TNS3: variants seen among roughly 807,000 people sequenced by gnomAD.
TNS3 encodes tensin 3.
A neutral mutation model predicts 140.9 loss-of-function variants in TNS3; 45 were observed. The observed-to-expected ratio is 0.32, with a 90% confidence interval of 0.25 to 0.41. The LOEUF is 0.41. Among genes scored for constraint, TNS3 ranks in the 10% least tolerant of loss-of-function variants. The pLI, the probability that TNS3 is intolerant of heterozygous loss-of-function variation, is 1.00. For synonymous variants in TNS3, 815 were observed against 788.4 expected, an observed-to-expected ratio of 1.03 and a Z score of -0.56; for missense variants, 1,716 against 1,906.7, an observed-to-expected ratio of 0.90 and a Z score of 1.86.
chr7:47,480,841 G>T (rs1347570082), intron 4 of TNS3, among the ~76,000 whole-genome samples: 1 of 152,140 alleles, frequency 6.6e-6, no homozygotes, highest in East Asian at 1.9e-4. Context: ...AGGGAGATTC[G>T]CCCCGAAGGT....
chr7:47,482,391 G>A (rs1168677512), intron 3 of TNS3, among the ~76,000 whole-genome samples: 18 of 152,188 alleles, frequency 1.2e-4, no homozygotes, highest in Admixed American at 1.1e-3. Flanking sequence ...TGACTCAGAC[G>A]GATGTCTGGG....
At chr7:47,499,351 T>C (rs1246410104) in intron 3 of TNS3, among the ~76,000 whole-genome samples, 1 of 152,148 alleles carries the variant, frequency 6.6e-6, no homozygotes, top group East Asian at 1.9e-4. Flanking sequence ...AGAAAAGGGA[T>C]CTTACAGGAA....
intron 20 of TNS3, among the ~76,000 whole-genome samples, chr7:47,332,190 G>T (rs923259606): frequency 1.3e-5 from 2 of 152,224 alleles, no homozygotes; most frequent in East Asian, 1.9e-4. Flanking sequence ...ACCTCTTGAC[G>T]CCCAGTGCTC....
At chr7:47,511,802 G>A (rs1584794099) in intron 2 of TNS3, among the ~76,000 whole-genome samples, 1 of 152,158 alleles carries the variant, frequency 6.6e-6, no homozygotes, top group East Asian at 1.9e-4. Context: ...GGACCCACAA[G>A]AAGAACCTGG....
rs1236106676 is a variant in TNS3 at position 47,530,836 on chromosome 7, A to ATAT, written c.-264-1690_-264-1689insATA. 3.0e-3 allele frequency among the ~76,000 whole-genome samples: 101 copies of ATAT among 33,274 alleles called. 1 individual carries two copies. Among genetic ancestry groups the ATAT allele is most frequent in the African/African-American group, 0.013 (97 of 7,432 alleles). The allele number at this position is 33,274 out of a possible 152,430, so 21.8% of individuals were successfully genotyped here. A position where few individuals can be genotyped will look rare whatever the true frequency, so the allele number is the denominator to read the frequency against. ...GAAACTCCATCTCAAAAAAAAAAAA[A>ATAT]AAATATATATATATATATATATTTC... is the stretch of plus-strand genomic sequence containing the variant. On this transcript the variant is annotated intron_variant, in intron 1 of 30. Transcript: ENST00000311160.
At chr7:47,287,393 G>A (rs1007828088) in intron 27 of TNS3, among the ~76,000 whole-genome samples, 10 of 152,190 alleles carry the variant, frequency 6.6e-5, no homozygotes, top group Non-Finnish European at 2.9e-5. Context: ...ATATTTCTGA[G>A]TTTCAGCTTC....
chr7:47,358,558 A>G (rs1284523570), intron 17 of TNS3, among the ~76,000 whole-genome samples: 2 of 152,320 alleles, frequency 1.3e-5, no homozygotes, highest in Non-Finnish European at 1.5e-5. Context: ...CAGGTCCACC[A>G]GGCTGATGAA....
intron 3 of TNS3, among the ~76,000 whole-genome samples, chr7:47,496,110 G>A (rs1311469469): frequency 6.6e-6 from 1 of 152,166 alleles, no homozygotes; most frequent in Non-Finnish European, 1.5e-5. Context: ...GGACCCCAGT[G>A]AGCCTGGAGG....
At chr7:47,424,008 G>T (rs777842704) in intron 10 of TNS3, 93 bp downstream of exon 10, 256 of 1,256,430 alleles carry the variant, frequency 2.0e-4, no homozygotes, top group Non-Finnish European at 2.8e-4. Flanking sequence ...TCATTTAGGT[G>T]TCGGGACAGA....
intron 16 of TNS3, among the ~76,000 whole-genome samples, chr7:47,392,268 G>A (rs1218171380): frequency 2.6e-5 from 4 of 152,146 alleles, no homozygotes; most frequent in Non-Finnish European, 4.4e-5. Context: ...AAGACAGGGC[G>A]TTTGTAATCA....
intron 3 of TNS3, among the ~76,000 whole-genome samples, chr7:47,483,259 T>A (rs1797491755): frequency 6.6e-6 from 1 of 150,582 alleles, no homozygotes; most frequent in South Asian, 2.1e-4. Flanking sequence ...AAGCTCCGCC[T>A]CCCGGGTTCA....
intron 6 of TNS3, 44 bp downstream of exon 6, chr7:47,439,443 C>G (rs1171474290): frequency 6.2e-7 from 1 of 1,603,578 alleles, no homozygotes; most frequent in Non-Finnish European, 8.5e-7. Context: ...ACAGTGCCTG[C>G]TGCAGAGCCT....
intron 20 of TNS3, among the ~76,000 whole-genome samples, chr7:47,343,680 C>A (rs1035642025): frequency 1.3e-5 from 2 of 152,228 alleles, no homozygotes; most frequent in African/African-American, 4.8e-5. Context: ...GTGAGTCCAT[C>A]ATGCTAATGC....
chr7:47,325,128 C>T (rs1787958051), intron 20 of TNS3, among the ~76,000 whole-genome samples: 1 of 152,048 alleles, frequency 6.6e-6, no homozygotes, highest in South Asian at 2.1e-4. Flanking sequence ...AGAGGGGTTC[C>T]CAAGACCCAC....
intron 16 of TNS3, among the ~76,000 whole-genome samples, chr7:47,384,405 G>GC (rs1414687676): frequency 6.6e-6 from 1 of 152,204 alleles, no homozygotes; most frequent in Non-Finnish European, 1.5e-5. Context: ...GGCTGCCATT[G>GC]CCCCTCACTT....
chr7:47,526,429 T>C (rs1414545239), intron 2 of TNS3, among the ~76,000 whole-genome samples: 1 of 152,142 alleles, frequency 6.6e-6, no homozygotes, highest in Non-Finnish European at 1.5e-5. Flanking sequence ...TTCAGAGCAA[T>C]CCTAACACCA....
At chr7:47,555,040 T>C (rs1342512990) in intron 1 of TNS3, among the ~76,000 whole-genome samples, 1 of 149,810 alleles carries the variant, frequency 6.7e-6, no homozygotes, top group African/African-American at 2.5e-5. Context: ...AAAAAAAGAA[T>C]GGAATCTACC....
At chr7:47,383,201 G>A (rs1191820529) in intron 16 of TNS3, among the ~76,000 whole-genome samples, 1 of 152,222 alleles carries the variant, frequency 6.6e-6, no homozygotes, top group East Asian at 1.9e-4. Flanking sequence ...GCAGAGTGTG[G>A]TGTGTCCACA....
intron 15 of TNS3, among the ~76,000 whole-genome samples, chr7:47,398,255 C>T (rs937040250): frequency 6.6e-6 from 1 of 152,102 alleles, no homozygotes; most frequent in African/African-American, 2.4e-5. Context: ...GGTGCCAATC[C>T]TACTGAACAA....
Sources: allele counts gnomAD v4.1 joint callset (sites outside exome capture counted in the v4.1 genomes callset), GRCh38; gene constraint gnomAD v4.1.1; transcripts MANE v1.5; gene names NCBI Gene and HGNC (gene_info 2026-07-23, HGNC 2026-07-21).